The following CRB1 variants were observed in gnomAD, a reference collection of about 807,000 sequenced individuals.
The protein encoded by CRB1 is crumbs cell polarity complex component 1.
A neutral mutation model predicts 120.0 loss-of-function variants in CRB1; 83 were observed. The ratio of observed to expected loss-of-function variants is 0.69; its 90% CI spans 0.58 to 0.83. CRB1 has a LOEUF of 0.83. Ranked by LOEUF, CRB1 falls within the 40% of genes least tolerant of loss-of-function variation. CRB1 has a pLI of 0.00. For missense variants in CRB1, 1,699 were observed against 1,687.6 expected (o/e 1.01, Z -0.12); for synonymous variants, 625 against 612.5 (o/e 1.02, Z -0.30).
chr1:197,315,803 G>A (rs999831448), intron 1 of CRB1, among the ~76,000 whole-genome samples: 7 of 151,990 alleles, frequency 4.6e-5, no homozygotes, highest in Admixed American at 4.6e-4. Context: ...TTTTTGTTTT[G>A]GGTGAATTCA....
At chr1:197,426,349 T>G (rs576183054) in intron 6 of CRB1, among the ~76,000 whole-genome samples, 25 of 152,166 alleles carry the variant, frequency 1.6e-4, no homozygotes, top group Non-Finnish European at 3.1e-4. Flanking sequence ...TCCCTGATTG[T>G]TCTATTTAAA....
At chr1:197,247,684 G>T in the CRB1 span, among the ~76,000 whole-genome samples, 11 of 152,130 alleles carry the variant, frequency 7.2e-5, no homozygotes, top group African/African-American at 2.6e-4. Flanking sequence ...CATGTTTTTC[G>T]TGGAGGAATT....
chr1:197,280,912 A>G (rs1261899460), intron 1 of CRB1, among the ~76,000 whole-genome samples: 1 of 151,872 alleles, frequency 6.6e-6, no homozygotes, highest in African/African-American at 2.4e-5. Context: ...GATTGTATGT[A>G]TGACATCGGA....
At chr1:197,391,913 C>T (rs1258045009) in intron 5 of CRB1, among the ~76,000 whole-genome samples, 2 of 152,084 alleles carry the variant, frequency 1.3e-5, no homozygotes, top group South Asian at 2.1e-4. Context: ...GTCCAGGTCT[C>T]GATGTGGTAG....
rs564929669 is a variant in CRB1, at chr1:197,335,598, A to G, written c.652+6595A>G. 2.4e-3 allele frequency among the ~76,000 whole-genome samples: 358 copies of G among 152,164 alleles called. 3 individuals carry two copies. Among genetic ancestry groups the G allele is most frequent in the African/African-American group, 8.3e-3 (344 of 41,512 alleles). On this transcript the variant is annotated intron_variant, in intron 2 of 11. Transcript: ENST00000367400. ...GCTGCAACCTCCACCTCCCAGGTTC[A>G]AGCAATTCTCCTGCCTCAGCCTCCT... is the stretch of plus-strand genomic sequence containing the variant.
At chr1:197,274,598 C>G (rs1380922101) in intron 1 of CRB1, among the ~76,000 whole-genome samples, 1 of 152,136 alleles carries the variant, frequency 6.6e-6, no homozygotes, top group East Asian at 1.9e-4. Context: ...CTTCTCTACA[C>G]CCTTGATTCT....
At chr1:197,476,639 CAG>C (rs1011207674) in intron 11 of CRB1, among the ~76,000 whole-genome samples, 3 of 151,934 alleles carry the variant, frequency 2.0e-5, no homozygotes, top group Non-Finnish European at 2.9e-5. Context: ...AACCAAGACA[CAG>C]GGGACAATAA....
At chr1:197,407,248 G>A (rs150361553) in intron 5 of CRB1, among the ~76,000 whole-genome samples, 4 of 152,314 alleles carry the variant, frequency 2.6e-5, no homozygotes, top group African/African-American at 9.6e-5. Context: ...AGGACATAAT[G>A]AAATCTACTC....
At chr1:197,470,498 A>G (rs1198345990) in intron 11 of CRB1, among the ~76,000 whole-genome samples, 3 of 152,266 alleles carry the variant, frequency 2.0e-5, no homozygotes, top group South Asian at 2.1e-4. Context: ...TTTACAAAGC[A>G]TAATGAAATA....
intron 1 of CRB1, among the ~76,000 whole-genome samples, chr1:197,313,230 A>G (rs1212165418): frequency 6.6e-6 from 1 of 152,184 alleles, no homozygotes; most frequent in Non-Finnish European, 1.5e-5. Context: ...CATGGGGGAA[A>G]TCTGCTCCCA....
chr1:197,458,805 A>G (rs768535773), intron 11 of CRB1, among the ~76,000 whole-genome samples: 5 of 152,148 alleles, frequency 3.3e-5, no homozygotes, highest in Non-Finnish European at 7.4e-5. Flanking sequence ...CAAGGAAACT[A>G]TAATCTAGCT....
chr1:197,363,276 A>C (rs148124778), intron 5 of CRB1, among the ~76,000 whole-genome samples: 14 of 151,726 alleles, frequency 9.2e-5, no homozygotes, highest in Admixed American at 3.3e-4. Context: ...TTATGTGTCT[A>C]TTCTCCATTG....
rs1369077329 is a variant in CRB1 at position 197,435,367 on chromosome 1, A to T, written c.3504A>T (p.Gly1168=). 1 of 1,612,660 alleles carries T rather than the reference A, an allele frequency of 6.2e-7. No homozygotes were observed. The highest frequency in any genetic ancestry group is 8.5e-7 in the Non-Finnish European group (1 of 1,179,202). Residue 1168 remains glycine, a synonymous_variant, in exon 9 of 12, where the codon GGA becomes GGT. Transcript: ENST00000367400. ...YSSYHCSCPL[G]WSGKHCELNI... ...CTTATCATTGCTCCTGTCCCTTGGG[A>T]TGGTCAGGGAAACACTGTGAACTCA...
At chr1:197,290,035 A>G (rs1327586619) in intron 1 of CRB1, among the ~76,000 whole-genome samples, 1 of 151,638 alleles carries the variant, frequency 6.6e-6, no homozygotes, top group African/African-American at 2.4e-5. Flanking sequence ...TGGGGATCTA[A>G]TCTATCTATG....
At chr1:197,320,202 G>A (rs1658110165) in intron 1 of CRB1, among the ~76,000 whole-genome samples, 1 of 152,154 alleles carries the variant, frequency 6.6e-6, no homozygotes, top group South Asian at 2.1e-4. Flanking sequence ...TAGTCCTCGT[G>A]AGAAAGTGTG....
rs533789294 is a variant in CRB1 at position 197,435,866 on chromosome 1, T to A, written c.3749+254T>A. 4.6e-5 allele frequency among the ~76,000 whole-genome samples: 7 copies of A among 152,242 alleles called. No individual in the cohort carries two copies. The East Asian group carries it at 1.4e-3, about 29-fold the overall frequency. On this transcript the variant is annotated intron_variant, in intron 9 of 11. Transcript: ENST00000367400. ...TCTCAGTCATCTGTGTGAAAATATGTCTCATGAACTGTAGCCCCAGGGTCT... is the reference window on the plus strand; with the variant it reads ...TCTCAGTCATCTGTGTGAAAATATGACTCATGAACTGTAGCCCCAGGGTCT...
At chr1:197,327,563 T>C (rs142277032) in intron 1 of CRB1, among the ~76,000 whole-genome samples, 1,824 of 152,288 alleles carry the variant, frequency 0.012, 38 homozygotes, top group African/African-American at 0.041. Flanking sequence ...GAAATATATT[T>C]ACTGTTATTT....
In CRB1 at chr1:197,435,075, T is replaced by C. The variant is rs62635657; in HGVS notation, c.3212T>C (p.Leu1071Pro). The C allele has an allele frequency of 6.2e-7, 1 of 1,613,978 alleles. No homozygotes were observed. Among genetic ancestry groups the C allele is most frequent in the South Asian group, 1.1e-5 (1 of 91,078 alleles). ...FVTSTIATGS[L>P]NFLKDNTDIY... ...ACCAGCACAATTGCTACTGGAAGCC[T>C]CAACTTTTTGAAGGATAATACAGAT... Residue 1071 changes from leucine (L) to proline (P), a missense_variant, in exon 9 of 12, where the codon CTC becomes CCC. Coordinates refer to ENST00000367400, the MANE Select transcript of CRB1 (RefSeq NM_201253.3).
chr1:197,351,639 C>T (rs1430065285), intron 4 of CRB1, among the ~76,000 whole-genome samples: 1 of 152,072 alleles, frequency 6.6e-6, no homozygotes, highest in Non-Finnish European at 1.5e-5. Context: ...ACACTAAAGG[C>T]AGGGAAATCT....
Sources: gnomAD v4.1 joint callset for allele counts (sites outside exome capture counted in the v4.1 genomes callset) on GRCh38, gnomAD v4.1.1 for gene constraint, MANE v1.5 for transcripts, NCBI Gene and HGNC (gene_info 2026-07-23, HGNC 2026-07-21) for gene names.